Variants in TBL1X observed in about 807,000 individuals in gnomAD.
TBL1X encodes the protein transducin beta like 1 X-linked, also known as F-box-like/WD repeat-containing protein TBL1X.
In TBL1X, 10 loss-of-function variants were observed where a neutral mutation model predicts 50.7. That is an observed-to-expected ratio of 0.20 (90% CI 0.12 to 0.33). The LOEUF is 0.33. Ranked by LOEUF, TBL1X falls within the 10% of genes least tolerant of loss-of-function variation. The pLI is 1.00. For missense variants in TBL1X, 340 were observed against 504.4 expected, an observed-to-expected ratio of 0.67 and a Z score of 3.12; for synonymous variants, 190 against 214.7, an observed-to-expected ratio of 0.88 and a Z score of 1.01.
At chrX:9,476,169 G>C (rs2081848603) in intron 1 of TBL1X, among the ~76,000 whole-genome samples, 1 of 112,284 alleles carries the variant, frequency 8.9e-6, no homozygotes, top group South Asian at 3.7e-4. Context: ...TATCTAGATT[G>C]ATGCACCTAT....
At chrX:9,517,548 A>C (rs1056556351) in intron 2 of TBL1X, among the ~76,000 whole-genome samples, 2 of 112,279 alleles carry the variant, frequency 1.8e-5, no homozygotes, top group African/African-American at 6.5e-5. Flanking sequence ...AACTTGGGAA[A>C]CTAAGGCCAA....
At chrX:9,508,786 A>G (rs1347543855) in intron 2 of TBL1X, among the ~76,000 whole-genome samples, 2 of 111,768 alleles carry the variant, frequency 1.8e-5, no homozygotes, top group East Asian at 5.6e-4. Context: ...TGTCCTTTGC[A>G]GGGACATGGA....
intron 2 of TBL1X, among the ~76,000 whole-genome samples, chrX:9,514,408 G>A (rs1433588729): frequency 9.0e-6 from 1 of 110,862 alleles, no homozygotes; most frequent in Non-Finnish European, 1.9e-5. Context: ...GTTACAGAGA[G>A]GTTTTTCCTG....
At chrX:9,708,572 G>A (rs1454887451) in intron 13 of TBL1X, among the ~76,000 whole-genome samples, 1 of 110,945 alleles carries the variant, frequency 9.0e-6, no homozygotes, top group Non-Finnish European at 1.9e-5. Context: ...GGACACTGGA[G>A]GAACTGTTAC....
At chrX:9,712,998 T>G (rs1375721512) in intron 16 of TBL1X, among the ~76,000 whole-genome samples, 2 of 111,500 alleles carry the variant, frequency 1.8e-5, no homozygotes, top group African/African-American at 6.5e-5. Context: ...GCCTTCTTGG[T>G]TCCTTTTGGC....
intron 1 of TBL1X, among the ~76,000 whole-genome samples, chrX:9,487,668 C>G (rs1009080213): frequency 3.6e-5 from 4 of 112,276 alleles, no homozygotes; most frequent in South Asian, 3.6e-4. Context: ...CGGTAATTTT[C>G]TCTTTCGCAT....
chrX:9,660,197 C>T (rs993749572), intron 5 of TBL1X, among the ~76,000 whole-genome samples: 1 of 112,538 alleles, frequency 8.9e-6, no homozygotes, highest in African/African-American at 3.2e-5. Context: ...TCAAAGTCAT[C>T]GAAAACCCAG....
chrX:9,596,693 T>G (rs1249626907), intron 2 of TBL1X, among the ~76,000 whole-genome samples: 1 of 111,237 alleles, frequency 9.0e-6, no homozygotes, highest in Non-Finnish European at 1.9e-5. Context: ...TGAAAACCAC[T>G]GCCCTAAACT....
chrX:9,649,843 C>T (rs969175716), intron 3 of TBL1X, among the ~76,000 whole-genome samples: 2 of 112,002 alleles, frequency 1.8e-5, no homozygotes, highest in East Asian at 5.6e-4. Context: ...CACTGGAGTG[C>T]AGTGGCATAA....
chrX:9,709,766 G>T lies in TBL1X; in HGVS notation c.1439+6G>T, dbSNP rs765567632. The T allele has an allele frequency of 2.5e-5, 30 of 1,206,680 alleles. No homozygotes were observed. Among genetic ancestry groups the T allele is most frequent in the Non-Finnish European group, 3.1e-5 (28 of 893,299 alleles). On this transcript the variant is annotated splice_donor_region_variant and intron_variant, in intron 15 of 17. Coordinates refer to ENST00000645353, the MANE Select transcript of TBL1X (RefSeq NM_005647.4). ...TCCAACATCATGTTGGCAAGGTAAG[G>T]GCAGGCAACACAGCTGGCACAGCTC...
At chrX:9,578,512 C>G (rs965678835) in intron 2 of TBL1X, among the ~76,000 whole-genome samples, 1 of 111,710 alleles carries the variant, frequency 9.0e-6, no homozygotes, top group African/African-American at 3.3e-5. Context: ...CTGCGCCAAG[C>G]TGGAGCCTGC....
At chrX:9,507,509 A>G (rs975063902) in intron 2 of TBL1X, among the ~76,000 whole-genome samples, 1 of 112,333 alleles carries the variant, frequency 8.9e-6, no homozygotes, top group Admixed American at 9.4e-5. Flanking sequence ...GAAAAGGGCC[A>G]TATTGCCCAA....
chrX:9,477,954 G>A (rs1478656209), intron 1 of TBL1X, among the ~76,000 whole-genome samples: 1 of 111,490 alleles, frequency 9.0e-6, no homozygotes, highest in African/African-American at 3.3e-5. Flanking sequence ...CGAACTTCCC[G>A]GATGGTGAGA....
At chrX:9,477,853 C>T (rs1452520065) in intron 1 of TBL1X, among the ~76,000 whole-genome samples, 2 of 111,616 alleles carry the variant, frequency 1.8e-5, no homozygotes, top group Admixed American at 9.5e-5. Context: ...CAGCCACGGG[C>T]CACCATGAAT....
chrX:9,656,836 G>T (rs995730561), intron 5 of TBL1X, among the ~76,000 whole-genome samples: 1 of 112,153 alleles, frequency 8.9e-6, no homozygotes, highest in African/African-American at 3.2e-5. Flanking sequence ...TTCTATGTTC[G>T]TCTCAAGTCC....
At chrX:9,519,664 A>G (rs2082097730) in intron 2 of TBL1X, among the ~76,000 whole-genome samples, 1 of 111,578 alleles carries the variant, frequency 9.0e-6, no homozygotes, top group South Asian at 3.8e-4. Flanking sequence ...GATCTTTTTT[A>G]CAGTGGCGCT....
At chrX:9,470,520 G>A (rs2081807551) in intron 1 of TBL1X, among the ~76,000 whole-genome samples, 1 of 112,477 alleles carries the variant, frequency 8.9e-6, no homozygotes, top group Non-Finnish European at 1.9e-5. Flanking sequence ...CTCCCAAAGT[G>A]CTGGGATTAC....
At chrX:9,588,210 G>T (rs138575082) in intron 2 of TBL1X, among the ~76,000 whole-genome samples, 1,164 of 111,855 alleles carry the variant, frequency 0.01, 14 homozygotes, top group African/African-American at 0.036. Flanking sequence ...TGTAAGGGAG[G>T]ATGAGCGGTT....
At chrX:9,508,323 A>G (rs1346895104) in intron 2 of TBL1X, among the ~76,000 whole-genome samples, 2 of 112,878 alleles carry the variant, frequency 1.8e-5, no homozygotes, top group Non-Finnish European at 3.7e-5. Context: ...TACACAGCCA[A>G]CAAGCATGGT....
Sources: gnomAD v4.1 joint callset for allele counts (sites outside exome capture counted in the v4.1 genomes callset) on GRCh38, gnomAD v4.1.1 for gene constraint, MANE v1.5 for transcripts, NCBI Gene and HGNC (gene_info 2026-07-23, HGNC 2026-07-21) for gene names.